The following ZMIZ1 variants were observed in gnomAD, a reference collection of about 807,000 sequenced individuals.
ZMIZ1 encodes the protein zinc finger MIZ-type containing 1.
ZMIZ1 carries 17 observed loss-of-function variants against 113.9 expected under a neutral mutation model. That is an observed-to-expected ratio of 0.15 (90% CI 0.10 to 0.22). The LOEUF is 0.22. Ranked by LOEUF, ZMIZ1 falls within the 10% of genes least tolerant of loss-of-function variation. The pLI is 1.00. For missense variants in ZMIZ1, 1,059 were observed against 1,477.8 expected, an observed-to-expected ratio of 0.72 and a Z score of 4.65; for synonymous variants, 607 against 603.1, an observed-to-expected ratio of 1.01 and a Z score of -0.09.
At chr10:79,256,750 G>C (rs1203989437) in intron 7 of ZMIZ1, among the ~76,000 whole-genome samples, 3 of 152,208 alleles carry the variant, frequency 2.0e-5, no homozygotes, top group Admixed American at 1.3e-4. Flanking sequence ...GAAGTTACCA[G>C]GAAAGCCTGC....
At chr10:79,228,705 A>G (rs1359185388) in intron 7 of ZMIZ1, among the ~76,000 whole-genome samples, 2 of 152,118 alleles carry the variant, frequency 1.3e-5, no homozygotes, top group African/African-American at 4.8e-5. Context: ...CCTTGCCTCC[A>G]CCATTTCAGT....
intron 1 of ZMIZ1, among the ~76,000 whole-genome samples, chr10:79,091,079 C>G (rs1051929006): frequency 2.6e-5 from 4 of 152,218 alleles, no homozygotes; most frequent in Non-Finnish European, 5.9e-5. Flanking sequence ...GCAGCAATTT[C>G]AGTCTACCAA....
At chr10:79,268,605 T>A (rs942330947) in intron 7 of ZMIZ1, among the ~76,000 whole-genome samples, 6 of 152,206 alleles carry the variant, frequency 3.9e-5, no homozygotes, top group African/African-American at 1.4e-4. Context: ...GTGCCAGGGT[T>A]GTAGAAGTGA....
chr10:79,134,227 A>T (rs1402921788), intron 2 of ZMIZ1, among the ~76,000 whole-genome samples: 1 of 152,206 alleles, frequency 6.6e-6, no homozygotes, highest in African/African-American at 2.4e-5. Context: ...AAGGTGCTGC[A>T]GTCTGATTGG....
At chr10:79,133,377 A>G (rs192294684) in intron 2 of ZMIZ1, among the ~76,000 whole-genome samples, 149 of 152,228 alleles carry the variant, frequency 9.8e-4, no homozygotes, top group Admixed American at 1.5e-3. Flanking sequence ...TTATTCCTGG[A>G]TCTGGTTTCT....
chr10:79,298,731 C>G, intron 15 of ZMIZ1, 151 bp downstream of exon 15: 1 of 792,340 alleles, frequency 1.3e-6, no homozygotes, highest in Non-Finnish European at 1.9e-6. Flanking sequence ...ACACTCAAGG[C>G]GGGGTAGGCA....
intron 7 of ZMIZ1, among the ~76,000 whole-genome samples, chr10:79,243,047 G>T (rs1429969835): frequency 1.3e-5 from 2 of 151,394 alleles, no homozygotes; most frequent in Non-Finnish European, 3.0e-5. Context: ...CGCGAGCCGG[G>T]GCTCCCTGGA....
At chr10:79,120,289 A>G (rs1215781634) in intron 2 of ZMIZ1, among the ~76,000 whole-genome samples, 1 of 152,208 alleles carries the variant, frequency 6.6e-6, no homozygotes, top group African/African-American at 2.4e-5. Flanking sequence ...TCACATACAC[A>G]TGCACAAACT....
intron 1 of ZMIZ1, among the ~76,000 whole-genome samples, chr10:79,080,777 A>G (rs1287822881): frequency 6.6e-6 from 1 of 152,034 alleles, no homozygotes; most frequent in Non-Finnish European, 1.5e-5. Flanking sequence ...CTTTAGGCAG[A>G]AGGAGTGGGT....
rs193277029 is a variant in ZMIZ1 at position 79,209,448 on chromosome 10, C to G, written c.174+999C>G. On this transcript the variant is annotated intron_variant, in intron 6 of 24. Transcript: ENST00000334512. Reference sequence around the variant, plus strand: ...TGGCCTGTGTCCATATGTGTGATGACCAGGGAGGGCAGCTGCTCAGAAGGC... The same window carrying G: ...TGGCCTGTGTCCATATGTGTGATGAGCAGGGAGGGCAGCTGCTCAGAAGGC... Among the ~76,000 whole-genome samples, 181 of 152,276 alleles carry G rather than the reference C, an allele frequency of 1.2e-3. 1 individual carries two copies. Among genetic ancestry groups the G allele is most frequent in the Non-Finnish European group, 1.9e-3 (130 of 68,018 alleles).
chr10:79,291,303 T>G, intron 10 of ZMIZ1, 127 bp downstream of exon 10: 1 of 1,210,558 alleles, frequency 8.3e-7, no homozygotes, highest in Non-Finnish European at 1.1e-6. Context: ...TGTTGTTACA[T>G]GAGTTGAAGG....
At chr10:79,242,174 T>G (rs1441325676) in intron 7 of ZMIZ1, among the ~76,000 whole-genome samples, 25 of 143,028 alleles carry the variant, frequency 1.7e-4, no homozygotes, top group East Asian at 6.2e-4. Flanking sequence ...GGCAGAGAGG[T>G]GGGGGGTGAG....
At chr10:79,145,471 A>AC (rs1845443875) in intron 3 of ZMIZ1, among the ~76,000 whole-genome samples, 1 of 151,906 alleles carries the variant, frequency 6.6e-6, no homozygotes, top group South Asian at 2.1e-4. Flanking sequence ...TTCAAATCCC[A>AC]CCCCACCCCT....
At chr10:79,311,268 TC>T in intron 24 of ZMIZ1, 84 bp downstream of exon 24, 1 of 918,092 alleles carries the variant, frequency 1.1e-6, no homozygotes, top group Admixed American at 2.8e-5. Context: ...GTGTGAGGGC[TC>T]GAGGCCCCGA....
intron 8 of ZMIZ1, chr10:79,285,648 C>G (rs1259751667): frequency 2.2e-6 from 1 of 446,860 alleles, no homozygotes; most frequent in East Asian, 7.1e-5. Context: ...TGGTTTCTCC[C>G]TGGCACATTT....
At chr10:79,076,036 G>T (rs1015421005) in intron 1 of ZMIZ1, among the ~76,000 whole-genome samples, 1 of 152,200 alleles carries the variant, frequency 6.6e-6, no homozygotes, top group African/African-American at 2.4e-5. Context: ...GATCTGGAAA[G>T]CCCCTTCCAC....
At chr10:79,194,144 T>C (rs1471418664) in intron 4 of ZMIZ1, among the ~76,000 whole-genome samples, 1 of 152,246 alleles carries the variant, frequency 6.6e-6, no homozygotes, top group Non-Finnish European at 1.5e-5. Context: ...AAGCTGCAGA[T>C]GTGCATGGTG....
In ZMIZ1 at chr10:79,175,808, G is replaced by A. The variant is rs1021335248; in HGVS notation, c.-50+13675G>A. ...AGCCCACTCCTTGCAGGCAGCCCCGGCATTCCTGGCTGCAGCAAACCCTCC... is the reference window on the plus strand; with the variant it reads ...AGCCCACTCCTTGCAGGCAGCCCCGACATTCCTGGCTGCAGCAAACCCTCC... On this transcript the variant is annotated intron_variant, in intron 4 of 24. Coordinates refer to ENST00000334512, the MANE Select transcript of ZMIZ1 (RefSeq NM_020338.4). Among the ~76,000 whole-genome samples the A allele has an allele frequency of 2.0e-5, 3 of 151,890 alleles. 1 individual carries two copies. The highest frequency in any genetic ancestry group is 4.4e-5 in the Non-Finnish European group (3 of 67,954).
chr10:79,271,094 C>G (rs552118446), intron 7 of ZMIZ1, among the ~76,000 whole-genome samples: 7 of 152,310 alleles, frequency 4.6e-5, no homozygotes, highest in African/African-American at 1.7e-4. Flanking sequence ...CAGAAGGAGG[C>G]AGGGGGAAGG....
Sources: gnomAD v4.1 joint callset for allele counts (sites outside exome capture counted in the v4.1 genomes callset) on GRCh38, gnomAD v4.1.1 for gene constraint, MANE v1.5 for transcripts, NCBI Gene and HGNC (gene_info 2026-07-23, HGNC 2026-07-21) for gene names.